ADGRB3: variants seen among roughly 807,000 people sequenced by gnomAD.
The protein encoded by ADGRB3 is brain-specific angiogenesis inhibitor 3.
Under a neutral mutation model 193.4 loss-of-function variants are expected in ADGRB3, and 37 were observed. That is an observed-to-expected ratio of 0.19 (90% CI 0.15 to 0.25). ADGRB3 has a LOEUF of 0.25. Among genes scored for constraint, ADGRB3 ranks in the 10% least tolerant of loss-of-function variants. The probability of loss-of-function intolerance (pLI) is 1.00; values close to 1 mark genes in which losing one functional copy is unlikely to be tolerated. For synonymous variants in ADGRB3, 690 were observed against 644.2 expected (o/e 1.07, Z -1.08); for missense variants, 1,637 against 1,852.9 (o/e 0.88, Z 2.14).
chr6:69,183,128 A>G (rs1034732404), intron 17 of ADGRB3, among the ~76,000 whole-genome samples: 1 of 152,096 alleles, frequency 6.6e-6, no homozygotes, highest in Non-Finnish European at 1.5e-5. Context: ...GATATACATT[A>G]TTTAATTTTT....
At chr6:69,037,979 T>C (rs906309837) in intron 13 of ADGRB3, among the ~76,000 whole-genome samples, 1 of 152,180 alleles carries the variant, frequency 6.6e-6, no homozygotes, top group Non-Finnish European at 1.5e-5. Flanking sequence ...TGCCAGTCCA[T>C]GAGGATGGAG....
chr6:69,018,514 T>G lies in ADGRB3; in HGVS notation c.2107+15T>G. On this transcript the variant is annotated intron_variant, in intron 13 of 31. Coordinates refer to ENST00000370598, the MANE Select transcript of ADGRB3 (RefSeq NM_001704.3). ...TGGAAATGTAGGTAAGAAATAGGATTTTCCCCCAAAATCTTTCTGAAATAA... is the reference window on the plus strand; with the variant it reads ...TGGAAATGTAGGTAAGAAATAGGATGTTCCCCCAAAATCTTTCTGAAATAA... 1.9e-6 allele frequency: 3 copies of G among 1,553,360 alleles called. No homozygotes were observed. In the East Asian group the frequency reaches 6.8e-5, roughly 35 times the overall value.
chr6:68,813,934 A>G (rs1412314111), intron 3 of ADGRB3, among the ~76,000 whole-genome samples: 1 of 151,970 alleles, frequency 6.6e-6, no homozygotes, highest in Non-Finnish European at 1.5e-5. Context: ...TATGTGCCAC[A>G]TTTTCTTAAT....
At chr6:68,990,661 A>G (rs1315348848) in intron 10 of ADGRB3, among the ~76,000 whole-genome samples, 1 of 152,002 alleles carries the variant, frequency 6.6e-6, no homozygotes, top group Non-Finnish European at 1.5e-5. Context: ...TTGCAAACAG[A>G]AAGCATGTCT....
intron 17 of ADGRB3, among the ~76,000 whole-genome samples, chr6:69,215,521 A>C (rs532290271): frequency 6.6e-6 from 1 of 151,794 alleles, no homozygotes; most frequent in African/African-American, 2.4e-5. Context: ...TAGATAATTC[A>C]GTCCTTTTAT....
At chr6:68,827,397 G>A (rs570694684) in intron 3 of ADGRB3, among the ~76,000 whole-genome samples, 474 of 152,134 alleles carry the variant, frequency 3.1e-3, no homozygotes, top group African/African-American at 0.011. Context: ...AATAATAAAT[G>A]AGCAATGGGG....
intron 15 of ADGRB3, among the ~76,000 whole-genome samples, chr6:69,055,105 C>G (rs1337644819): frequency 2.0e-5 from 3 of 152,142 alleles, no homozygotes; most frequent in Non-Finnish European, 2.9e-5. Flanking sequence ...GTTCTGCCAT[C>G]TCCTCCATTG....
At chr6:69,150,312 A>G (rs1340333083) in intron 17 of ADGRB3, among the ~76,000 whole-genome samples, 1 of 152,186 alleles carries the variant, frequency 6.6e-6, no homozygotes, top group South Asian at 2.1e-4. Context: ...GCTGCCATGC[A>G]AACCACAAGA....
chr6:68,906,077 CT>C (rs976411728), intron 3 of ADGRB3, among the ~76,000 whole-genome samples: 7 of 147,774 alleles, frequency 4.7e-5, no homozygotes, highest in South Asian at 2.2e-4. Context: ...CCACAAGTTT[CT>C]TTTTTTTTTC....
chr6:68,664,456 G>A (rs970904323), intron 3 of ADGRB3, among the ~76,000 whole-genome samples: 3 of 151,734 alleles, frequency 2.0e-5, no homozygotes, highest in South Asian at 2.1e-4. Context: ...CAAAGAGCTC[G>A]CAAGTTCTCT....
intron 6 of ADGRB3, among the ~76,000 whole-genome samples, chr6:68,951,132 G>T (rs949145363): frequency 6.6e-6 from 1 of 152,040 alleles, no homozygotes; most frequent in Admixed American, 6.6e-5. Flanking sequence ...TGCCAAAAAT[G>T]AGACATTGTT....
Position 68,722,458 on chromosome 6 carries a change from C to A in ADGRB3, c.757+83026C>A, listed in dbSNP as rs149969597. On this transcript the variant is annotated intron_variant, in intron 3 of 31. Transcript: ENST00000370598. ...AAACCTGCACTTTCTGCACATGTAT[C>A]CCAGGACTTTAAAGTATAATAATAA... Among the ~76,000 whole-genome samples, 267 of 151,694 alleles carry A rather than the reference C, an allele frequency of 1.8e-3. 1 individual carries two copies. Among genetic ancestry groups the A allele is most frequent in the African/African-American group, 6.1e-3 (251 of 41,424 alleles).
chr6:68,909,149 C>T (rs1446385554), intron 3 of ADGRB3, among the ~76,000 whole-genome samples: 1 of 152,112 alleles, frequency 6.6e-6, no homozygotes, highest in Non-Finnish European at 1.5e-5. Flanking sequence ...AACCAAATAA[C>T]ATCTTGTTAT....
intron 3 of ADGRB3, among the ~76,000 whole-genome samples, chr6:68,684,437 A>C (rs1764948177): frequency 6.6e-6 from 1 of 152,330 alleles, no homozygotes; most frequent in South Asian, 2.1e-4. Flanking sequence ...CTCAGAGGCA[A>C]ACAAGTTACA....
At chr6:69,081,601 A>C (rs1472906403) in intron 17 of ADGRB3, among the ~76,000 whole-genome samples, 1 of 151,900 alleles carries the variant, frequency 6.6e-6, no homozygotes, top group South Asian at 2.1e-4. Context: ...GTTTTTTCAT[A>C]TTCACAATTG....
intron 20 of ADGRB3, among the ~76,000 whole-genome samples, chr6:69,317,264 T>G (rs1469040315): frequency 1.3e-5 from 2 of 151,492 alleles, no homozygotes; most frequent in African/African-American, 4.8e-5. Flanking sequence ...GAGAGTTTTT[T>G]CCCTTTGGGG....
intron 3 of ADGRB3, among the ~76,000 whole-genome samples, chr6:68,815,603 TTG>T (rs5877170): frequency 0.3 from 40,607 of 137,042 alleles, 5,777 homozygotes; most frequent in Middle Eastern, 0.47. Context: ...CCATCAAAAA[TTG>T]TGTGTGTGTG....
At chr6:68,887,525 T>C (rs1321041453) in intron 3 of ADGRB3, among the ~76,000 whole-genome samples, 2 of 152,142 alleles carry the variant, frequency 1.3e-5, no homozygotes, top group African/African-American at 2.4e-5. Flanking sequence ...TTTCAACAGC[T>C]TATTAAAATA....
intron 17 of ADGRB3, among the ~76,000 whole-genome samples, chr6:69,083,150 A>G (rs960481942): frequency 1.3e-5 from 2 of 152,232 alleles, no homozygotes; most frequent in African/African-American, 4.8e-5. Flanking sequence ...ATATCTCCTC[A>G]TATGTATAGT....
Sources: gnomAD v4.1 joint callset for allele counts (sites outside exome capture counted in the v4.1 genomes callset) on GRCh38, gnomAD v4.1.1 for gene constraint, MANE v1.5 for transcripts, NCBI Gene and HGNC (gene_info 2026-07-23, HGNC 2026-07-21) for gene names.